The following ADAMTS17 variants were observed in gnomAD, a reference collection of about 807,000 sequenced individuals.
The protein encoded by ADAMTS17 is A disintegrin and metalloproteinase with thrombospondin motifs 17.
ADAMTS17 carries 113 observed loss-of-function variants against 141.5 expected under a neutral mutation model. The ratio of observed to expected loss-of-function variants is 0.80; its 90% CI spans 0.69 to 0.93. The LOEUF (loss-of-function observed/expected upper bound fraction) is 0.93. ADAMTS17 is among the 40% of genes least tolerant of loss of function. ADAMTS17 has a pLI of 0.00. For missense variants in ADAMTS17, 1,659 were observed against 1,517.9 expected, an observed-to-expected ratio of 1.09 and a Z score of -1.54; for synonymous variants, 768 against 630.6, an observed-to-expected ratio of 1.22 and a Z score of -3.27.
chr15:100,266,506 C>T (rs539240087), intron 4 of ADAMTS17, among the ~76,000 whole-genome samples: 3 of 152,214 alleles, frequency 2.0e-5, no homozygotes, highest in African/African-American at 7.2e-5. Context: ...GAGCCCATCC[C>T]TCTTCTGCTT....
intron 7 of ADAMTS17, among the ~76,000 whole-genome samples, chr15:100,240,123 G>A (rs1371807060): frequency 1.3e-5 from 2 of 152,326 alleles, no homozygotes; most frequent in East Asian, 3.9e-4. Context: ...GTAACCAGCT[G>A]CTGCTCAGGA....
chr15:100,089,498 T>A (rs1245430712), intron 15 of ADAMTS17, among the ~76,000 whole-genome samples: 32 of 150,970 alleles, frequency 2.1e-4, no homozygotes, highest in Non-Finnish European at 5.9e-5. Flanking sequence ...ACCCAAAGGA[T>A]TATAAATCAT....
chr15:99,976,749 G>A (rs2727203), intron 20 of ADAMTS17: 6,153 of 197,354 alleles, frequency 0.031, 328 homozygotes, highest in African/African-American at 0.11. Flanking sequence ...ACCAGGCACT[G>A]GATTTGTTAG....
chr15:100,165,828 C>T (rs926331220), intron 8 of ADAMTS17, among the ~76,000 whole-genome samples: 7 of 152,024 alleles, frequency 4.6e-5, no homozygotes, highest in Non-Finnish European at 7.3e-5. Flanking sequence ...GAACCTCTGC[C>T]CCCCCTCAGG....
chr15:100,039,527 A>C (rs1435537683), intron 18 of ADAMTS17, among the ~76,000 whole-genome samples: 2 of 152,160 alleles, frequency 1.3e-5, no homozygotes, highest in African/African-American at 4.8e-5. Context: ...GGTACTGTTT[A>C]ATTTCCATGT....
At chr15:100,152,121 G>T (rs2039195429) in intron 10 of ADAMTS17, among the ~76,000 whole-genome samples, 1 of 152,010 alleles carries the variant, frequency 6.6e-6, no homozygotes, top group South Asian at 2.1e-4. Flanking sequence ...TGTTTAATGG[G>T]GTTATTATCA....
At chr15:100,082,046 G>A (rs908388897) in intron 15 of ADAMTS17, among the ~76,000 whole-genome samples, 16 of 152,102 alleles carry the variant, frequency 1.1e-4, no homozygotes, top group Non-Finnish European at 1.9e-4. Flanking sequence ...ATCATCTGTT[G>A]TTTCTTTGCT....
chr15:100,000,105 G>A (rs1403176812), intron 18 of ADAMTS17, among the ~76,000 whole-genome samples: 1 of 152,182 alleles, frequency 6.6e-6, no homozygotes, highest in East Asian at 1.9e-4. Flanking sequence ...TGAAGCCCGT[G>A]TAAATGTAAC....
At chr15:100,253,963 C>T (rs1423005190) in intron 7 of ADAMTS17, among the ~76,000 whole-genome samples, 173 bp downstream of exon 7, 2 of 151,994 alleles carry the variant, frequency 1.3e-5, no homozygotes, top group African/African-American at 4.8e-5. Context: ...TCAATAACTT[C>T]AAATCATTTC....
chr15:100,116,700 T>C, intron 13 of ADAMTS17, 147 bp downstream of exon 13: 1 of 1,082,086 alleles, frequency 9.2e-7, no homozygotes, highest in African/African-American at 1.6e-5. Context: ...ACTTACAAAG[T>C]TGGGCCGCAG....
intron 18 of ADAMTS17, among the ~76,000 whole-genome samples, chr15:100,032,575 C>T (rs1250035853): frequency 6.6e-6 from 1 of 152,178 alleles, no homozygotes; most frequent in Admixed American, 6.5e-5. Context: ...AGTTAAATGC[C>T]ACTACAGTAC....
intron 15 of ADAMTS17, among the ~76,000 whole-genome samples, chr15:100,056,457 G>A (rs912547241): frequency 9.2e-5 from 14 of 151,986 alleles, no homozygotes; most frequent in Non-Finnish European, 1.3e-4. Flanking sequence ...GGGGTGGCGG[G>A]GGATGGTTTT....
intron 14 of ADAMTS17, among the ~76,000 whole-genome samples, chr15:100,106,773 T>C (rs2036437382): frequency 6.6e-6 from 1 of 152,160 alleles, no homozygotes; most frequent in Non-Finnish European, 1.5e-5. Context: ...GTAATTTGGG[T>C]CGGACACCAG....
intron 7 of ADAMTS17, among the ~76,000 whole-genome samples, chr15:100,213,048 T>C (rs1446237784): frequency 6.6e-6 from 1 of 152,150 alleles, no homozygotes; most frequent in African/African-American, 2.4e-5. Context: ...GTTTAACATA[T>C]ATATGATTTA....
intron 15 of ADAMTS17, 117 bp downstream of exon 15, chr15:100,096,239 A>C (rs1596409193): frequency 3.3e-6 from 5 of 1,528,652 alleles, no homozygotes; most frequent in Non-Finnish European, 4.4e-6. Context: ...GTTCCAGGTC[A>C]CCTATCCACT....
At chr15:100,241,754 C>T (rs538892534) in intron 7 of ADAMTS17, among the ~76,000 whole-genome samples, 8 of 152,270 alleles carry the variant, frequency 5.3e-5, no homozygotes, top group African/African-American at 1.9e-4. Flanking sequence ...CTTTCCTAAC[C>T]ATGATTCAGT....
intron 3 of ADAMTS17, among the ~76,000 whole-genome samples, chr15:100,303,580 C>T (rs2045118330): frequency 6.6e-6 from 1 of 152,122 alleles, no homozygotes; most frequent in Non-Finnish European, 1.5e-5. Context: ...TTCTAAGACT[C>T]TGATAGTTTT....
At chr15:100,182,242 T>C (rs1175779404) in intron 8 of ADAMTS17, among the ~76,000 whole-genome samples, 1 of 152,108 alleles carries the variant, frequency 6.6e-6, no homozygotes, top group Non-Finnish European at 1.5e-5. Flanking sequence ...CTTTTTCACA[T>C]GGTGGCAAGA....
intron 7 of ADAMTS17, among the ~76,000 whole-genome samples, chr15:100,253,714 C>A (rs966062077): frequency 6.6e-6 from 1 of 152,126 alleles, no homozygotes; most frequent in Non-Finnish European, 1.5e-5. Context: ...TCACACTTCA[C>A]CCCTTAGGGT....
Sources: gnomAD v4.1 joint callset for allele counts (sites outside exome capture counted in the v4.1 genomes callset) on GRCh38, gnomAD v4.1.1 for gene constraint, MANE v1.5 for transcripts, NCBI Gene and HGNC (gene_info 2026-07-23, HGNC 2026-07-21) for gene names.